Variants in RBFOX1 observed in about 807,000 individuals in gnomAD.
RBFOX1 encodes RNA binding fox-1 homolog 1.
Under a neutral mutation model 57.7 loss-of-function variants are expected in RBFOX1, and 8 were observed. That is an observed-to-expected ratio of 0.14 (90% CI 0.08 to 0.25). The LOEUF (loss-of-function observed/expected upper bound fraction) is 0.25. Ranked by LOEUF, RBFOX1 falls within the 10% of genes least tolerant of loss-of-function variation. The pLI is 1.00. For synonymous variants in RBFOX1, 326 were observed against 222.4 expected, an observed-to-expected ratio of 1.47 and a Z score of -4.15; for missense variants, 611 against 548.5, an observed-to-expected ratio of 1.11 and a Z score of -1.14.
At chr16:6,660,654 A>G (rs2061131464) in intron 3 of RBFOX1, among the ~76,000 whole-genome samples, 1 of 152,160 alleles carries the variant, frequency 6.6e-6, no homozygotes, top group South Asian at 2.1e-4. Flanking sequence ...TTAAATTGGG[A>G]GTGATACAAT....
intron 4 of RBFOX1, among the ~76,000 whole-genome samples, chr16:7,310,055 C>A (rs2096274031): frequency 6.6e-6 from 1 of 152,240 alleles, no homozygotes; most frequent in South Asian, 2.1e-4. Context: ...CAGCTTGCCT[C>A]ACCCAGCCCT....
intron 3 of RBFOX1, among the ~76,000 whole-genome samples, chr16:5,690,814 T>A (rs965609805): frequency 1.3e-5 from 2 of 152,188 alleles, no homozygotes; most frequent in African/African-American, 4.8e-5. Flanking sequence ...GGCTGAAGTT[T>A]CCTGATGAGT....
At position 6,910,200 on chromosome 16, in the gene RBFOX1, A is replaced by T. The variant is rs370832363; in HGVS notation, c.-15-141857A>T. Among the ~76,000 whole-genome samples, 4 of 152,198 alleles carry T rather than the reference A, an allele frequency of 2.6e-5. No homozygotes were observed. In the South Asian group the frequency reaches 8.3e-4, roughly 32 times the overall value. ...AGCAGACTCAAGCAGAAAATGGGAA[A>T]AGAGAAATCCTAAGAGGAGTCTCAT... On this transcript the variant is annotated intron_variant, in intron 3 of 15. Coordinates refer to ENST00000550418, the MANE Select transcript of RBFOX1 (RefSeq NM_018723.4).
intron 3 of RBFOX1, among the ~76,000 whole-genome samples, chr16:7,024,699 CA>C (rs2040363381): frequency 6.6e-6 from 1 of 152,162 alleles, no homozygotes. Context: ...GCCCCAGGCA[CA>C]AATTCCTCAG....
intron 3 of RBFOX1, among the ~76,000 whole-genome samples, chr16:6,915,731 T>C (rs116597579): frequency 0.012 from 1,797 of 152,060 alleles, 39 homozygotes; most frequent in African/African-American, 0.041. Context: ...TTTCTACTTT[T>C]TGTAGAGACA....
At chr16:6,126,480 G>C (rs1397212229) in intron 1 of RBFOX1, among the ~76,000 whole-genome samples, 1 of 152,114 alleles carries the variant, frequency 6.6e-6, no homozygotes, top group Admixed American at 6.5e-5. Context: ...TTTAGAAGAA[G>C]GAATCAGACA....
chr16:5,699,982 G>A (rs1037871680), intron 3 of RBFOX1, among the ~76,000 whole-genome samples: 6 of 151,956 alleles, frequency 3.9e-5, no homozygotes, highest in South Asian at 2.1e-4. Context: ...ACAGGCGCCC[G>A]CCACCACGCC....
chr16:6,814,248 GGT>G (rs1446629229), intron 3 of RBFOX1, among the ~76,000 whole-genome samples: 2 of 133,008 alleles, frequency 1.5e-5, no homozygotes, highest in Non-Finnish European at 3.3e-5. Flanking sequence ...AGAAAATTGT[GGT>G]GGGGGGGAGG....
chr16:5,380,122 G>T (rs2066094103), intron 1 of RBFOX1, among the ~76,000 whole-genome samples: 1 of 152,172 alleles, frequency 6.6e-6, no homozygotes, highest in African/African-American at 2.4e-5. Context: ...GTGTGCCCCA[G>T]ATTGTCGTCA....
chr16:7,683,783 G>A (rs974783727), intron 14 of RBFOX1, among the ~76,000 whole-genome samples: 2 of 152,070 alleles, frequency 1.3e-5, no homozygotes, highest in African/African-American at 4.8e-5. Context: ...ATGCTTTCTA[G>A]GTGTAGCTCT....
At chr16:6,720,490 A>G (rs1388459367) in intron 3 of RBFOX1, among the ~76,000 whole-genome samples, 3 of 152,190 alleles carry the variant, frequency 2.0e-5, no homozygotes, top group African/African-American at 7.2e-5. Flanking sequence ...TATGTGTTCA[A>G]GAGGAGCCAG....
At chr16:6,895,040 C>T (rs1040612541) in intron 3 of RBFOX1, among the ~76,000 whole-genome samples, 1 of 152,168 alleles carries the variant, frequency 6.6e-6, no homozygotes, top group Non-Finnish European at 1.5e-5. Flanking sequence ...TTACCAGCTT[C>T]AAATGCTGGC....
intron 4 of RBFOX1, among the ~76,000 whole-genome samples, chr16:6,003,770 C>A (rs1202939249): frequency 6.6e-6 from 1 of 152,208 alleles, no homozygotes; most frequent in African/African-American, 2.4e-5. Flanking sequence ...GGGTCTCAAT[C>A]TCAAATGCCT....
intron 3 of RBFOX1, among the ~76,000 whole-genome samples, chr16:6,773,535 T>TG (rs569493954): frequency 1.6e-5 from 2 of 126,554 alleles, no homozygotes; most frequent in African/African-American, 3.1e-5. Flanking sequence ...GCATTTGTGT[T>TG]GGGGGGCATA....
intron 4 of RBFOX1, among the ~76,000 whole-genome samples, chr16:5,940,422 C>G (rs1020621147): frequency 6.6e-6 from 1 of 152,178 alleles, no homozygotes. Context: ...AAAAGGGAAT[C>G]TAGGCACTGA....
intron 1 of RBFOX1, among the ~76,000 whole-genome samples, chr16:5,440,499 T>C (rs1056706529): frequency 1.6e-4 from 25 of 152,222 alleles, no homozygotes; most frequent in Non-Finnish European, 2.6e-4. Flanking sequence ...TTGACTTGCA[T>C]TGGAGTTTGG....
chr16:7,351,640 C>G (rs2097131797), intron 4 of RBFOX1, among the ~76,000 whole-genome samples: 1 of 152,156 alleles, frequency 6.6e-6, no homozygotes, highest in Admixed American at 6.5e-5. Flanking sequence ...AATTTTTCAC[C>G]CATTAGCTCA....
chr16:5,672,688 T>A (rs951952370), intron 3 of RBFOX1, among the ~76,000 whole-genome samples: 1 of 150,786 alleles, frequency 6.6e-6, no homozygotes, highest in Non-Finnish European at 1.5e-5. Context: ...AACCACCACC[T>A]CCATTAGCTG....
intron 4 of RBFOX1, among the ~76,000 whole-genome samples, chr16:5,887,348 T>C (rs2057923608): frequency 6.6e-6 from 1 of 152,124 alleles, no homozygotes; most frequent in Admixed American, 6.5e-5. Flanking sequence ...CCAAAGACCA[T>C]AGTACTGCCT....
Sources: gnomAD v4.1 joint callset for allele counts (sites outside exome capture counted in the v4.1 genomes callset) on GRCh38, gnomAD v4.1.1 for gene constraint, MANE v1.5 for transcripts, NCBI Gene and HGNC (gene_info 2026-07-23, HGNC 2026-07-21) for gene names.